The following CAMK1D variants were observed in gnomAD, a reference collection of about 807,000 sequenced individuals.
The protein encoded by CAMK1D is calcium/calmodulin-dependent protein kinase type 1D.
Under a neutral mutation model 47.7 loss-of-function variants are expected in CAMK1D, and 9 were observed. The ratio of observed to expected loss-of-function variants is 0.19; its 90% CI spans 0.11 to 0.33. The LOEUF is 0.33. Among genes scored for constraint, CAMK1D ranks in the 10% least tolerant of loss-of-function variants. The probability of loss-of-function intolerance (pLI) is 1.00; values close to 1 mark genes in which losing one functional copy is unlikely to be tolerated. For missense variants in CAMK1D, 291 were observed against 488.7 expected, an observed-to-expected ratio of 0.60 and a Z score of 3.81; for synonymous variants, 184 against 184.9, an observed-to-expected ratio of 0.99 and a Z score of 0.04.
intron 1 of CAMK1D, among the ~76,000 whole-genome samples, chr10:12,452,785 C>T (rs1045504363): frequency 1.3e-5 from 2 of 152,034 alleles, no homozygotes; most frequent in African/African-American, 4.8e-5. Context: ...GGGGTTTCAC[C>T]ATATTGGTCA....
intron 2 of CAMK1D, among the ~76,000 whole-genome samples, chr10:12,588,657 G>A (rs1837892942): frequency 6.6e-6 from 1 of 152,068 alleles, no homozygotes; most frequent in Non-Finnish European, 1.5e-5. Flanking sequence ...GGAGTAGAGG[G>A]CGGAAGACTC....
At chr10:12,536,915 A>T (rs540065424) in intron 1 of CAMK1D, among the ~76,000 whole-genome samples, 15 of 152,060 alleles carry the variant, frequency 9.9e-5, no homozygotes, top group Non-Finnish European at 1.8e-4. Context: ...CTCATTTGGG[A>T]TATTTACATA....
chr10:12,672,209 C>T (rs142504267), intron 3 of CAMK1D, among the ~76,000 whole-genome samples: 5 of 152,064 alleles, frequency 3.3e-5, no homozygotes, highest in East Asian at 1.9e-4. Flanking sequence ...GCCACCTCGC[C>T]GGGCCACTGT....
chr10:12,408,979 G>C (rs899150294), intron 1 of CAMK1D, among the ~76,000 whole-genome samples: 1 of 150,156 alleles, frequency 6.7e-6, no homozygotes, highest in Admixed American at 6.7e-5. Context: ...TCAGCCTCCC[G>C]AGTAGTAGTT....
In CAMK1D at chr10:12,524,676, C is replaced by T. The variant is rs554333505; in HGVS notation, c.93-28549C>T. On this transcript the variant is annotated intron_variant, in intron 1 of 10. Transcript: ENST00000619168. ...GAGCCAAGATGGCACCACTGCACTC[C>T]AGCCTGGGCGACAGAGTGAGACTCC... is the stretch of plus-strand genomic sequence containing the variant. Among the ~76,000 whole-genome samples the T allele has an allele frequency of 5.3e-5, 8 of 151,888 alleles. No individual in the cohort carries two copies. In the South Asian group the frequency reaches 1.3e-3, roughly 24 times the overall value.
chr10:12,734,300 G>T (rs113519668), intron 3 of CAMK1D, among the ~76,000 whole-genome samples: 39 of 127,388 alleles, frequency 3.1e-4, no homozygotes, highest in African/African-American at 1.2e-3. Flanking sequence ...TCCAGCCTGG[G>T]CAACACAGCG....
Position 12,434,535 on chromosome 10 carries a change from T to C in CAMK1D, c.92+84625T>C, listed in dbSNP as rs189250118. ...GCCCAGCCGTTGTTTGTGCAAGCTG[T>C]GAGCTCTCTCATTACTGGCCTAGAA... On this transcript the variant is annotated intron_variant, in intron 1 of 10. Transcript: ENST00000619168. Among the ~76,000 whole-genome samples, 260 of 152,324 alleles carry C rather than the reference T, an allele frequency of 1.7e-3. 2 individuals carry two copies. Among genetic ancestry groups the C allele is most frequent in the South Asian group, 9.1e-3 (44 of 4,832 alleles).
intron 2 of CAMK1D, among the ~76,000 whole-genome samples, chr10:12,561,257 A>G (rs1317017740): frequency 3.1e-4 from 47 of 152,114 alleles, no homozygotes; most frequent in Non-Finnish European, 2.9e-5. Flanking sequence ...GCAGTAAGTT[A>G]TTTAGTGATG....
chr10:12,567,739 G>A (rs184363372), intron 2 of CAMK1D, among the ~76,000 whole-genome samples: 298 of 152,308 alleles, frequency 2.0e-3, no homozygotes, highest in African/African-American at 6.9e-3. Context: ...TTTTGTTGAT[G>A]TCGTCGTTTG....
At chr10:12,651,542 C>T (rs1839964650) in intron 2 of CAMK1D, among the ~76,000 whole-genome samples, 1 of 151,986 alleles carries the variant, frequency 6.6e-6, no homozygotes, top group African/African-American at 2.4e-5. Flanking sequence ...CAGGCACGTG[C>T]CACCACACCC....
At chr10:12,634,287 C>G (rs1383750483) in intron 2 of CAMK1D, among the ~76,000 whole-genome samples, 4 of 152,086 alleles carry the variant, frequency 2.6e-5, no homozygotes, top group Non-Finnish European at 4.4e-5. Flanking sequence ...TGCAGTGATT[C>G]ATTGGGGAGA....
chr10:12,663,729 C>G (rs945373978), intron 2 of CAMK1D, among the ~76,000 whole-genome samples: 28 of 152,112 alleles, frequency 1.8e-4, no homozygotes, highest in African/African-American at 6.3e-4. Flanking sequence ...ATGAAATGAG[C>G]CTTTGCCTGG....
chr10:12,594,135 C>T (rs1446074914), intron 2 of CAMK1D, among the ~76,000 whole-genome samples: 4 of 152,322 alleles, frequency 2.6e-5, no homozygotes, highest in East Asian at 3.9e-4. Context: ...GAGATCGTGC[C>T]ATTGCACTCT....
chr10:12,759,523 G>A (rs2989501), intron 3 of CAMK1D, among the ~76,000 whole-genome samples: 144,979 of 152,268 alleles, frequency 0.95, 69,441 homozygotes, highest in East Asian at 1. Flanking sequence ...GTCAGGAGGA[G>A]TATCTTGGGC....
At chr10:12,748,586 A>T (rs1304603276) in intron 3 of CAMK1D, among the ~76,000 whole-genome samples, 3 of 152,206 alleles carry the variant, frequency 2.0e-5, no homozygotes, top group Non-Finnish European at 4.4e-5. Flanking sequence ...TCCTCAGTTG[A>T]CCAGAGTAAC....
At chr10:12,745,125 A>G (rs1052287924) in intron 3 of CAMK1D, among the ~76,000 whole-genome samples, 2 of 152,128 alleles carry the variant, frequency 1.3e-5, no homozygotes, top group Non-Finnish European at 2.9e-5. Context: ...CTGCCTTCCG[A>G]GTTCACGCCG....
chr10:12,810,781 A>C (rs1015044169), intron 6 of CAMK1D, among the ~76,000 whole-genome samples: 1 of 152,200 alleles, frequency 6.6e-6, no homozygotes, highest in Admixed American at 6.5e-5. Flanking sequence ...ATAGTTAAGA[A>C]CACAGGCCTA....
intron 3 of CAMK1D, among the ~76,000 whole-genome samples, chr10:12,749,369 C>T (rs1392414025): frequency 2.0e-5 from 3 of 148,658 alleles, no homozygotes; most frequent in Admixed American, 1.3e-4. Context: ...TGCAGTGTTC[C>T]CATTCGGTGT....
chr10:12,722,378 A>G lies in CAMK1D; in HGVS notation c.300-38570A>G, dbSNP rs141546189. On this transcript the variant is annotated intron_variant, in intron 3 of 10. Coordinates refer to ENST00000619168, the MANE Select transcript of CAMK1D (RefSeq NM_153498.4). The stretch of plus-strand genomic sequence containing the variant: ...GGAGAATGGTGTGAACCCAGGAGGC[A>G]GAGCTTGCAATGAGCCAAGATTGTG... 1.9e-3 allele frequency among the ~76,000 whole-genome samples: 259 copies of G among 138,578 alleles called. 8 individuals carry two copies. In the East Asian group the frequency reaches 0.055, roughly 29 times the overall value. The allele number at this position is 138,578 out of a possible 152,430, so 90.9% of individuals were successfully genotyped here. A position where few individuals can be genotyped will look rare whatever the true frequency, so the allele number is the denominator to read the frequency against.
Sources: gnomAD v4.1 joint callset for allele counts (sites outside exome capture counted in the v4.1 genomes callset) on GRCh38, gnomAD v4.1.1 for gene constraint, MANE v1.5 for transcripts, NCBI Gene and HGNC (gene_info 2026-07-23, HGNC 2026-07-21) for gene names.